KIAA0040: variants seen among roughly 807,000 people sequenced by gnomAD.
The protein encoded by KIAA0040 is uncharacterized protein KIAA0040.
In KIAA0040, 10 loss-of-function variants were observed where a neutral mutation model predicts 7.2. That is an observed-to-expected ratio of 1.38 (90% CI 0.85 to 2.34). KIAA0040 has a LOEUF of 2.34. Ranked by LOEUF, KIAA0040 falls within the 30% of genes most tolerant of loss-of-function variation. KIAA0040 has a pLI of 0.00. For synonymous variants in KIAA0040, 49 were observed against 40.1 expected (o/e 1.22, Z -0.84); for missense variants, 89 against 108.2 (o/e 0.82, Z 0.79).
Position 175,162,029 on chromosome 1 carries a change from G to A in KIAA0040, c.-133-883C>T, listed in dbSNP as rs1410989127. 2.0e-5 allele frequency among the ~76,000 whole-genome samples: 3 copies of A among 152,190 alleles called. No homozygotes were observed. The East Asian group carries it at 5.8e-4, about 29-fold the overall frequency. On this transcript the variant is annotated intron_variant, in intron 3 of 3. Coordinates refer to ENST00000423313, the MANE Select transcript of KIAA0040 (RefSeq NM_014656.3). Reference sequence around the variant, plus strand: ...CTGGGTGCCTCCCTGTTCCTGTTCTGAACTCAGCATACAGCTGGGGCCATT... The same window carrying A: ...CTGGGTGCCTCCCTGTTCCTGTTCTAAACTCAGCATACAGCTGGGGCCATT...
intron 3 of KIAA0040, among the ~76,000 whole-genome samples, chr1:175,166,112 G>C (rs983599744): frequency 4.6e-5 from 7 of 152,148 alleles, no homozygotes; most frequent in African/African-American, 1.4e-4. Context: ...AACCTTAAGA[G>C]ACCCCTCTTC....
At chr1:175,190,222 A>G (rs946412129) in intron 1 of KIAA0040, among the ~76,000 whole-genome samples, 1 of 152,238 alleles carries the variant, frequency 6.6e-6, no homozygotes, top group Non-Finnish European at 1.5e-5. Flanking sequence ...TCTTTATTTT[A>G]GGAATTATCC....
chr1:175,180,126 A>G (rs1259976616), intron 1 of KIAA0040, among the ~76,000 whole-genome samples: 1 of 152,112 alleles, frequency 6.6e-6, no homozygotes, highest in Non-Finnish European at 1.5e-5. Flanking sequence ...GCCCTGGGGA[A>G]ACCTTCCTTG....
chr1:175,163,003 T>C (rs1001575413), intron 3 of KIAA0040, among the ~76,000 whole-genome samples: 1 of 152,188 alleles, frequency 6.6e-6, no homozygotes, highest in South Asian at 2.1e-4. Context: ...CCTTATGAAG[T>C]AGGTACTGTG....
At chr1:175,178,063 T>G (rs143457802) in intron 1 of KIAA0040, among the ~76,000 whole-genome samples, 2 of 152,368 alleles carry the variant, frequency 1.3e-5, no homozygotes, top group African/African-American at 4.8e-5. Flanking sequence ...GAGGTCTTCC[T>G]GCCTCCAACC....
chr1:175,185,013 A>G (rs995636262), intron 1 of KIAA0040, among the ~76,000 whole-genome samples: 3 of 152,160 alleles, frequency 2.0e-5, no homozygotes, highest in Non-Finnish European at 4.4e-5. Context: ...GGAGACCTCA[A>G]TTTCTTCTTC....
intron 1 of KIAA0040, among the ~76,000 whole-genome samples, chr1:175,179,039 G>T (rs995264715): frequency 6.6e-6 from 1 of 152,026 alleles, no homozygotes; most frequent in African/African-American, 2.4e-5. Flanking sequence ...TTACATGGAG[G>T]GCTGGACATT....
At chr1:175,180,170 C>T (rs1677380631) in intron 1 of KIAA0040, among the ~76,000 whole-genome samples, 1 of 152,140 alleles carries the variant, frequency 6.6e-6, no homozygotes, top group Admixed American at 6.5e-5. Context: ...TGCTCTGTGC[C>T]CTTCACCATA....
chr1:175,165,685 G>A (rs75446895), intron 3 of KIAA0040, among the ~76,000 whole-genome samples: 1,804 of 152,292 alleles, frequency 0.012, 42 homozygotes, highest in African/African-American at 0.042. Flanking sequence ...GTGGAGGAGA[G>A]CAGCTAGCCA....
intron 1 of KIAA0040, among the ~76,000 whole-genome samples, chr1:175,188,938 C>T (rs143352307): frequency 4.4e-4 from 67 of 152,248 alleles, no homozygotes; most frequent in African/African-American, 1.5e-3. Flanking sequence ...GATAGAGACC[C>T]TGGATAGTAT....
chr1:175,166,499 A>G (rs1456096744), intron 3 of KIAA0040, 63 bp downstream of exon 3: 2 of 152,208 alleles, frequency 1.3e-5, no homozygotes, highest in East Asian at 3.8e-4. Context: ...ATTTATGAGC[A>G]CAGGAGCCAT....
intron 2 of KIAA0040, among the ~76,000 whole-genome samples, chr1:175,176,890 G>A (rs149428218): frequency 6.6e-6 from 1 of 152,090 alleles, no homozygotes; most frequent in Non-Finnish European, 1.5e-5. Context: ...GGCAAGTATT[G>A]CAAATTCCTG....
intron 1 of KIAA0040, among the ~76,000 whole-genome samples, chr1:175,187,749 C>T (rs1406950806): frequency 6.6e-6 from 1 of 152,080 alleles, no homozygotes; most frequent in East Asian, 1.9e-4. Flanking sequence ...CCTGCCCCTA[C>T]ACCACCTCTG....
intron 3 of KIAA0040, among the ~76,000 whole-genome samples, chr1:175,163,590 T>A (rs1453696575): frequency 6.6e-6 from 1 of 152,224 alleles, no homozygotes; most frequent in Non-Finnish European, 1.5e-5. Flanking sequence ...CTCAGGCCAC[T>A]CATCTCTCTT....
At chr1:175,186,275 G>A (rs759657986) in intron 1 of KIAA0040, among the ~76,000 whole-genome samples, 1 of 152,208 alleles carries the variant, frequency 6.6e-6, no homozygotes, top group Non-Finnish European at 1.5e-5. Flanking sequence ...AAGAATGGCA[G>A]AGTTTCCCTT....
intron 3 of KIAA0040, among the ~76,000 whole-genome samples, chr1:175,165,567 T>C (rs771202788): frequency 3.3e-5 from 5 of 152,220 alleles, no homozygotes; most frequent in Non-Finnish European, 7.3e-5. Flanking sequence ...GGTTGGTCTG[T>C]AGGTCTGTGG....
intron 1 of KIAA0040, among the ~76,000 whole-genome samples, chr1:175,186,018 G>A (rs1677645888): frequency 6.6e-6 from 1 of 152,200 alleles, no homozygotes; most frequent in African/African-American, 2.4e-5. Flanking sequence ...ATTGGTGGTT[G>A]CTGGGGACCG....
intron 1 of KIAA0040, among the ~76,000 whole-genome samples, chr1:175,181,986 CT>C (rs1202898839): frequency 2.0e-5 from 3 of 152,212 alleles, no homozygotes; most frequent in Non-Finnish European, 4.4e-5. Context: ...CCAGGGCCTT[CT>C]TGCAGCCACT....
intron 2 of KIAA0040, among the ~76,000 whole-genome samples, chr1:175,167,659 T>C (rs1676820618): frequency 6.6e-6 from 1 of 151,476 alleles, no homozygotes; most frequent in Admixed American, 6.6e-5. Flanking sequence ...GGAGAGGGTG[T>C]AGGGGGAGGA....
Sources: gnomAD v4.1 joint callset for allele counts (sites outside exome capture counted in the v4.1 genomes callset) on GRCh38, gnomAD v4.1.1 for gene constraint, MANE v1.5 for transcripts, NCBI Gene and HGNC (gene_info 2026-07-23, HGNC 2026-07-21) for gene names.